The following PIP5K1B variants were observed in gnomAD, a reference collection of about 807,000 sequenced individuals.
PIP5K1B encodes the protein phosphatidylinositol 4-phosphate 5-kinase type-1 beta.
A neutral mutation model predicts 67.0 loss-of-function variants in PIP5K1B; 42 were observed. The ratio of observed to expected loss-of-function variants is 0.63; its 90% confidence interval spans 0.49 to 0.81. The LOEUF (loss-of-function observed/expected upper bound fraction) is 0.81, where lower values mean the gene tolerates loss of function less well. PIP5K1B is among the 30% of genes least tolerant of loss of function. PIP5K1B has a pLI of 0.00. For missense variants in PIP5K1B, 459 were observed against 646.3 expected, an observed-to-expected ratio of 0.71 and a Z score of 3.14; for synonymous variants, 214 against 231.4, an observed-to-expected ratio of 0.92 and a Z score of 0.68.
chr9:68,840,024 A>G (rs374593608), intron 4 of PIP5K1B, among the ~76,000 whole-genome samples: 5 of 152,368 alleles, frequency 3.3e-5, no homozygotes, highest in African/African-American at 1.2e-4. Flanking sequence ...TCTTGGGGCT[A>G]GTGGGATAAA....
chr9:68,972,959 G>A (rs527757685), intron 14 of PIP5K1B, among the ~76,000 whole-genome samples: 32 of 152,278 alleles, frequency 2.1e-4, no homozygotes, highest in South Asian at 6.2e-4. Flanking sequence ...GGTGCCTTCC[G>A]AAGGCAAGCA....
chr9:68,788,515 T>TA (rs1460051604), intron 2 of PIP5K1B: 1 of 349,624 alleles, frequency 2.9e-6, no homozygotes, highest in Non-Finnish European at 5.2e-6. Flanking sequence ...TAGTAATAGG[T>TA]AAAAAATTAA....
intron 1 of PIP5K1B, among the ~76,000 whole-genome samples, chr9:68,714,371 T>G (rs1018472680): frequency 2.0e-5 from 3 of 152,210 alleles, no homozygotes; most frequent in Non-Finnish European, 2.9e-5. Context: ...CACCAATGTC[T>G]ATTGATTTTG....
chr9:68,726,314 A>G (rs997824719), intron 1 of PIP5K1B, among the ~76,000 whole-genome samples: 1 of 152,216 alleles, frequency 6.6e-6, no homozygotes, highest in Non-Finnish European at 1.5e-5. Context: ...TAGTCTGATG[A>G]CCTATACCAA....
Position 68,743,310 on chromosome 9 carries a change from C to A in PIP5K1B, c.-86+653C>A, listed in dbSNP as rs185767181. 1.4e-4 allele frequency among the ~76,000 whole-genome samples: 21 copies of A among 151,816 alleles called. No individual in the cohort carries two copies. In the East Asian group the frequency reaches 3.3e-3, roughly 24 times the overall value. On this transcript the variant is annotated intron_variant, in intron 2 of 15. Transcript: ENST00000265382. ...CCTTGACCTTCCAGGCTCAAGCAAT[C>A]CTCCTGCCTCAGCCTCCTGAGTAGC...
intron 2 of PIP5K1B, among the ~76,000 whole-genome samples, chr9:68,771,934 A>T (rs938310579): frequency 1.3e-5 from 2 of 152,224 alleles, no homozygotes; most frequent in Admixed American, 6.5e-5. Context: ...AATTTGTATG[A>T]GGTAGGAGGA....
intron 2 of PIP5K1B, among the ~76,000 whole-genome samples, chr9:68,755,594 A>G (rs185160154): frequency 6.6e-6 from 1 of 152,316 alleles, no homozygotes; most frequent in East Asian, 1.9e-4. Context: ...CACTGTTGAT[A>G]TTTACAGTTG....
At chr9:68,795,777 C>T (rs1393016058) in intron 2 of PIP5K1B, among the ~76,000 whole-genome samples, 2 of 152,064 alleles carry the variant, frequency 1.3e-5, no homozygotes, top group African/African-American at 4.8e-5. Context: ...CTGGGTTTCT[C>T]CTATTTCATT....
At chr9:68,737,663 G>C (rs966346217) in intron 1 of PIP5K1B, among the ~76,000 whole-genome samples, 6 of 152,158 alleles carry the variant, frequency 3.9e-5, no homozygotes, top group Admixed American at 2.6e-4. Context: ...GAGTGGCAGA[G>C]GTTCCAGAAG....
At chr9:68,746,284 G>A (rs1424482548) in intron 2 of PIP5K1B, among the ~76,000 whole-genome samples, 1 of 151,838 alleles carries the variant, frequency 6.6e-6, no homozygotes, top group Non-Finnish European at 1.5e-5. Context: ...TTGCTATGTT[G>A]GCCAGGCTGG....
At chr9:68,834,483 C>T (rs1000917774) in intron 4 of PIP5K1B, among the ~76,000 whole-genome samples, 7 of 152,218 alleles carry the variant, frequency 4.6e-5, no homozygotes, top group African/African-American at 1.4e-4. Flanking sequence ...CTGCCAACTG[C>T]ACTGTGAGTG....
chr9:68,943,804 T>C (rs1172541162), intron 14 of PIP5K1B, among the ~76,000 whole-genome samples: 1 of 152,252 alleles, frequency 6.6e-6, no homozygotes, highest in Non-Finnish European at 1.5e-5. Flanking sequence ...GTATCTGTGC[T>C]AAAATAAGCT....
chr9:68,985,010 C>T (rs752629827), intron 14 of PIP5K1B, among the ~76,000 whole-genome samples: 14 of 152,154 alleles, frequency 9.2e-5, no homozygotes, highest in Non-Finnish European at 1.6e-4. Context: ...AGATGTTGGG[C>T]AGACACATGG....
chr9:68,923,205 A>G (rs1017187945), intron 11 of PIP5K1B, 97 bp from the exon 12 acceptor site: 2 of 760,004 alleles, frequency 2.6e-6, no homozygotes, highest in Admixed American at 4.7e-5. Flanking sequence ...TTGGTTAAGA[A>G]TGTTGGCTAA....
intron 2 of PIP5K1B, among the ~76,000 whole-genome samples, chr9:68,754,391 A>C (rs1001287687): frequency 1.3e-4 from 19 of 150,970 alleles, no homozygotes; most frequent in South Asian, 2.1e-4. Context: ...GGATGGTCTC[A>C]ATCTCCCGAC....
chr9:68,846,092 C>T (rs180968765), intron 4 of PIP5K1B, among the ~76,000 whole-genome samples: 24 of 152,238 alleles, frequency 1.6e-4, no homozygotes, highest in African/African-American at 5.5e-4. Flanking sequence ...AAAATAAGCA[C>T]TTAACACAAT....
chr9:68,945,149 G>T (rs552132197), intron 14 of PIP5K1B, among the ~76,000 whole-genome samples: 1 of 151,634 alleles, frequency 6.6e-6, no homozygotes, highest in East Asian at 1.9e-4. Context: ...TTGGGTTTTG[G>T]TTTTTTGGGT....
At chr9:68,801,171 G>C (rs1237711291) in intron 2 of PIP5K1B, among the ~76,000 whole-genome samples, 1 of 152,176 alleles carries the variant, frequency 6.6e-6, no homozygotes, top group Non-Finnish European at 1.5e-5. Context: ...GGATGGAGAG[G>C]GTGCTTTGCT....
chr9:68,921,763 A>AT (rs1393304078), intron 11 of PIP5K1B, among the ~76,000 whole-genome samples: 1 of 152,198 alleles, frequency 6.6e-6, no homozygotes, highest in Non-Finnish European at 1.5e-5. Flanking sequence ...AGGCAGGAGA[A>AT]TCGCTTGAAC....
Sources: allele counts gnomAD v4.1 joint callset (sites outside exome capture counted in the v4.1 genomes callset), GRCh38; gene constraint gnomAD v4.1.1; transcripts MANE v1.5; gene names NCBI Gene and HGNC (gene_info 2026-07-23, HGNC 2026-07-21).